The following DIAPH1 variants were observed in gnomAD, a reference collection of about 807,000 sequenced individuals.
DIAPH1 encodes protein diaphanous homolog 1.
A neutral mutation model predicts 140.7 loss-of-function variants in DIAPH1; 46 were observed. That is an observed-to-expected ratio of 0.33 (90% CI 0.26 to 0.42). The LOEUF (loss-of-function observed/expected upper bound fraction) is 0.42. DIAPH1 is among the 10% of genes least tolerant of loss of function. The pLI, the probability that DIAPH1 is intolerant of heterozygous loss-of-function variation, is 1.00. For synonymous variants in DIAPH1, 565 were observed against 551.6 expected, an observed-to-expected ratio of 1.02 and a Z score of -0.34; for missense variants, 1,310 against 1,558.7, an observed-to-expected ratio of 0.84 and a Z score of 2.69.
Position 141,526,395 on chromosome 5 carries a change from G to C in DIAPH1, c.3340C>G (p.Leu1114Val), listed in dbSNP as rs1283993189. Residue 1114 changes from leucine to valine, a missense_variant, in exon 25 of 28, where the codon CTC becomes GTC. By Grantham distance (32) the Leu-to-Val change is conservative. Transcript: ENST00000389054. ...LRMMHSNMET[L>V]YKELGEYFLF... is the part of the protein sequence containing the mutation. The stretch of plus-strand genomic sequence containing the variant: ...AAGTACTCGCCCAGCTCCTTATAGA[G>C]GGTCTCCATGTTAGAATGCATCATC... The C allele has an allele frequency of 1.9e-6, 3 of 1,614,046 alleles. No individual in the cohort carries two copies. The highest frequency in any genetic ancestry group is 2.7e-5 in the African/African-American group (2 of 74,902).
chr5:141,517,348 G>A (rs1036377679), intron 27 of DIAPH1, among the ~76,000 whole-genome samples: 10 of 152,174 alleles, frequency 6.6e-5, no homozygotes, highest in Admixed American at 2.6e-4. Flanking sequence ...CTATTTTCTC[G>A]TAATAGGGAT....
chr5:141,517,873 A>T (rs182112742), intron 27 of DIAPH1, among the ~76,000 whole-genome samples: 28 of 152,118 alleles, frequency 1.8e-4, no homozygotes, highest in African/African-American at 6.5e-4. Flanking sequence ...CATCCCCAAG[A>T]CTCTCATATT....
At chr5:141,600,994 G>A (rs577552103) in intron 1 of DIAPH1, among the ~76,000 whole-genome samples, 3 of 152,024 alleles carry the variant, frequency 2.0e-5, no homozygotes, top group Non-Finnish European at 4.4e-5. Flanking sequence ...ACCAAACACC[G>A]CATGTTCTCA....
At position 141,578,740 on chromosome 5, in the gene DIAPH1, A is replaced by C. The variant is rs1227131164; in HGVS notation, c.934-115T>G. On this transcript the variant is annotated intron_variant, in intron 9 of 27. Coordinates refer to ENST00000389054, the MANE Select transcript of DIAPH1 (RefSeq NM_005219.5). The stretch of plus-strand genomic sequence containing the variant: ...ACAACCTGAAAGATACAATACAAAA[A>C]CTCTAAAGATGACTTTTCTACTATA... The C allele has an allele frequency of 8.5e-6, 7 of 825,076 alleles. No individual in the cohort carries two copies. In the Admixed American group the frequency reaches 1.4e-4, roughly 17 times the overall value. 51.1% of individuals were successfully genotyped at this position (825,076 alleles called of 1,614,324 possible). A position where few individuals can be genotyped will look rare whatever the true frequency, so the allele number is the denominator to read the frequency against.
chr5:141,580,959 A>T (rs2099896663), intron 7 of DIAPH1, 76 bp from the exon 8 acceptor site: 10 of 1,571,422 alleles, frequency 6.4e-6, no homozygotes, highest in Non-Finnish European at 8.7e-6. Flanking sequence ...ACGGGTTGTT[A>T]TGGGTTGAAT....
In DIAPH1 at chr5:141,583,477, A is replaced by T; in HGVS notation, c.533+8T>A. On this transcript the variant is annotated splice_region_variant and intron_variant, in intron 5 of 27. Transcript: ENST00000389054. ...CTCCTACTCCTGTTACCTCCTCAGAATCCTCACCTGACAGGGTTGTTGTTG... is the reference window on the plus strand; with the variant it reads ...CTCCTACTCCTGTTACCTCCTCAGATTCCTCACCTGACAGGGTTGTTGTTG... 1.9e-6 allele frequency: 3 copies of T among 1,614,192 alleles called. No individual in the cohort carries two copies. The highest frequency in any genetic ancestry group is 2.5e-6 in the Non-Finnish European group (3 of 1,180,024).
intron 18 of DIAPH1, among the ~76,000 whole-genome samples, chr5:141,547,480 T>TA (rs1406649236): frequency 2.6e-5 from 4 of 151,716 alleles, no homozygotes; most frequent in African/African-American, 9.7e-5. Context: ...TAAATAAAAA[T>TA]AAAAAATAAA....
Position 141,587,078 on chromosome 5 carries a change from T to C in DIAPH1, c.264A>G (p.Ser88=). Residue 88 remains serine (S), a synonymous_variant, in exon 3 of 28, where the codon TCA becomes TCG. Transcript: ENST00000389054. ...CAAAGAGAACCAGCACTTGTTCATC[T>C]GAAACATCTTGCAATGACTGTGCTG... is the stretch of plus-strand genomic sequence containing the variant. ...DPTAQSLQDV[S]DEQVLVLFEQ... 6.2e-7 allele frequency: 1 copy of C among 1,614,192 alleles called. No individual in the cohort carries two copies. The highest frequency in any genetic ancestry group is 8.5e-7 in the Non-Finnish European group (1 of 1,180,014).
Sources: gnomAD v4.1 joint callset for allele counts (sites outside exome capture counted in the v4.1 genomes callset) on GRCh38, gnomAD v4.1.1 for gene constraint, MANE v1.5 for transcripts, NCBI Gene and HGNC (gene_info 2026-07-23, HGNC 2026-07-21) for gene names.